The following PLXNA2 variants were observed in gnomAD, a reference collection of about 807,000 sequenced individuals.
PLXNA2 encodes plexin-A2.
A neutral mutation model predicts 193.5 loss-of-function variants in PLXNA2; 91 were observed. That is an observed-to-expected ratio of 0.47 (90% CI 0.40 to 0.56). The LOEUF is 0.56. Among genes scored for constraint, PLXNA2 ranks in the 20% least tolerant of loss-of-function variants. PLXNA2 has a pLI of 0.00. For missense variants in PLXNA2, 1,995 were observed against 2,503.2 expected (o/e 0.80, Z 4.33); for synonymous variants, 997 against 1,027.3 (o/e 0.97, Z 0.56).
intron 12 of PLXNA2, among the ~76,000 whole-genome samples, chr1:208,062,166 A>T (rs1665641837): frequency 6.6e-6 from 1 of 152,096 alleles, no homozygotes; most frequent in African/African-American, 2.4e-5. Context: ...GTTTTTGGAC[A>T]CTTCTGGACA....
intron 12 of PLXNA2, among the ~76,000 whole-genome samples, chr1:208,063,670 C>T (rs1665688467): frequency 6.6e-6 from 1 of 152,024 alleles, no homozygotes; most frequent in African/African-American, 2.4e-5. Flanking sequence ...TGCCAGCACC[C>T]AGGGTAGGTG....
rs980760283 is a variant in PLXNA2, at chr1:208,065,651, C to T, written c.2587-4814G>A. ...GAAGGGCAGCACATGGATGAGGGAG[C>T]GCATCACAGACACTGGGGTGACCCG... On this transcript the variant is annotated intron_variant, in intron 12 of 31. Coordinates refer to ENST00000367033, the MANE Select transcript of PLXNA2 (RefSeq NM_025179.4). Among the ~76,000 whole-genome samples the T allele has an allele frequency of 2.0e-5, 3 of 152,134 alleles. 1 individual carries two copies. The highest frequency in any genetic ancestry group is 4.1e-4 in the South Asian group (2 of 4,820).
At chr1:208,077,694 G>T (rs78915008) in intron 12 of PLXNA2, among the ~76,000 whole-genome samples, 157 of 152,356 alleles carry the variant, frequency 1.0e-3, no homozygotes, top group Non-Finnish European at 1.8e-3. Context: ...GAAGCTAGCT[G>T]TCTGAGGGCA....
At chr1:208,097,576 C>CT (rs778897543) in intron 6 of PLXNA2, among the ~76,000 whole-genome samples, 1 of 152,160 alleles carries the variant, frequency 6.6e-6, no homozygotes, top group African/African-American at 2.4e-5. Flanking sequence ...CGGTTTTCAG[C>CT]TTTTTTGAAT....
intron 1 of PLXNA2, among the ~76,000 whole-genome samples, chr1:208,240,725 T>C (rs1388518013): frequency 3.0e-5 from 4 of 133,700 alleles, no homozygotes. Flanking sequence ...GTTAACAGAC[T>C]GTAACACAAT....
At chr1:208,206,303 G>A (rs996303936) in intron 3 of PLXNA2, among the ~76,000 whole-genome samples, 2 of 152,304 alleles carry the variant, frequency 1.3e-5, no homozygotes, top group South Asian at 2.1e-4. Flanking sequence ...TGACATAGAA[G>A]CTGTTCTTCT....
chr1:208,242,047 T>C (rs1572069730), intron 1 of PLXNA2, among the ~76,000 whole-genome samples: 2 of 152,332 alleles, frequency 1.3e-5, no homozygotes, highest in East Asian at 3.9e-4. Flanking sequence ...TTCTCTTTTC[T>C]TGCCTGGAGG....
chr1:208,168,668 C>G (rs1262409727), intron 3 of PLXNA2, among the ~76,000 whole-genome samples: 1 of 142,702 alleles, frequency 7.0e-6, no homozygotes, highest in Non-Finnish European at 1.5e-5. Flanking sequence ...CCCTCAGAGA[C>G]TAGGGAGTCT....
intron 2 of PLXNA2, among the ~76,000 whole-genome samples, chr1:208,211,680 G>A (rs1317322230): frequency 7.2e-6 from 1 of 138,600 alleles, no homozygotes; most frequent in Non-Finnish European, 1.6e-5. Flanking sequence ...GCGGCAGAAC[G>A]AGACTCCGTC....
intron 21 of PLXNA2, among the ~76,000 whole-genome samples, chr1:208,042,771 T>G (rs1401075796): frequency 1.3e-5 from 2 of 152,220 alleles, no homozygotes; most frequent in Non-Finnish European, 2.9e-5. Context: ...GTGTCTTTCT[T>G]TAAGCCATCT....
chr1:208,150,466 G>T (rs976852487), intron 3 of PLXNA2, among the ~76,000 whole-genome samples: 4 of 152,176 alleles, frequency 2.6e-5, no homozygotes, highest in African/African-American at 9.7e-5. Context: ...GGACTCACTT[G>T]TTCTCTGGAC....
chr1:208,227,970 TA>T (rs1654744187), intron 1 of PLXNA2, among the ~76,000 whole-genome samples: 1 of 152,152 alleles, frequency 6.6e-6, no homozygotes, highest in African/African-American at 2.4e-5. Flanking sequence ...TGCTCTAATT[TA>T]TACTACTGGG....
chr1:208,086,979 C>CTCTGTA (rs1491364667), intron 9 of PLXNA2, among the ~76,000 whole-genome samples: 1 of 65,444 alleles, frequency 1.5e-5, no homozygotes, highest in East Asian at 4.7e-4. Context: ...CTCTCTCTCT[C>CTCTGTA]TGTGTGTGTG....
chr1:208,103,148 T>A lies in PLXNA2; in HGVS notation c.1606A>T (p.Met536Leu). Reference protein sequence around the residue: ...PHCGWCALHNMCSRRDKCQQA... With the variant: ...PHCGWCALHNLCSRRDKCQQA... ...TTTTCCAGTATACCCCAAACTTACA[T>A]GTTGTGCAGGGCACACCAGCCACAG... Residue 536 changes from methionine to leucine, a missense_variant and splice_region_variant, in exon 5 of 32, where the codon ATG becomes TTG. Physicochemically the swap from Met to Leu is conservative, Grantham distance 15. This residue lies in a region of PLXNA2 where 702 missense variants were observed against 812.9 expected (regional missense o/e 0.86). Transcript: ENST00000367033. 1 of 1,612,406 alleles carries A rather than the reference T, an allele frequency of 6.2e-7. No homozygotes were observed. Among genetic ancestry groups the A allele is most frequent in the Non-Finnish European group, 8.5e-7 (1 of 1,178,542 alleles).
chr1:208,191,935 T>A (rs1357421671), intron 3 of PLXNA2, among the ~76,000 whole-genome samples: 1 of 152,096 alleles, frequency 6.6e-6, no homozygotes, highest in African/African-American at 2.4e-5. Context: ...TGAAGACGTG[T>A]CAGGGTCAGG....
intron 7 of PLXNA2, among the ~76,000 whole-genome samples, 153 bp downstream of exon 7, chr1:208,096,577 G>A (rs767087625): frequency 6.6e-6 from 1 of 152,072 alleles, no homozygotes; most frequent in Non-Finnish European, 1.5e-5. Context: ...ATTCACTTTG[G>A]GGCATGACAG....
intron 4 of PLXNA2, among the ~76,000 whole-genome samples, chr1:208,139,430 G>A (rs545978884): frequency 4.5e-4 from 68 of 152,286 alleles, no homozygotes; most frequent in African/African-American, 1.3e-3. Context: ...AGGCATGAGA[G>A]CTAGAATGGG....
In PLXNA2 at chr1:208,054,295, C is replaced by T. The variant is rs972226455; in HGVS notation, c.2856+126G>A. ...CCAGAAGTTGCCTTATCTGGAGGGT[C>T]CTTTTCTCCTCCTTGGTCTGCAAGA... On this transcript the variant is annotated intron_variant, in intron 14 of 31. Transcript: ENST00000367033. 9.3e-6 allele frequency: 6 copies of T among 644,546 alleles called. No homozygotes were observed. The East Asian group carries it at 1.6e-4, about 17-fold the overall frequency. 39.9% of individuals were successfully genotyped at this position (644,546 alleles called of 1,614,324 possible). A position where few individuals can be genotyped will look rare whatever the true frequency, so the allele number is the denominator to read the frequency against.
rs1213724508 is a variant in PLXNA2, at chr1:208,188,709, CAA to C, written c.1371+21569_1371+21570del. ...GGGCATCAAGAATGAAACTCTGTCT[CAA>C]AAAAAAAAAAAAAAAGAAAAAAAAT... On this transcript the variant is annotated intron_variant, in intron 3 of 31. Transcript: ENST00000367033. Among the ~76,000 whole-genome samples, 484 of 71,438 alleles carry C rather than the reference CAA, an allele frequency of 6.8e-3. 1 individual carries two copies. Among genetic ancestry groups the C allele is most frequent in the African/African-American group, 0.024 (454 of 18,990 alleles). The allele number at this position is 71,438 out of a possible 152,430, so 46.9% of individuals were successfully genotyped here. A position where few individuals can be genotyped will look rare whatever the true frequency, so the allele number is the denominator to read the frequency against.
Sources: gnomAD v4.1 joint callset for allele counts (sites outside exome capture counted in the v4.1 genomes callset) on GRCh38, gnomAD v4.1.1 for gene constraint, gnomAD v4.1.1 regional missense constraint, MANE v1.5 for transcripts, NCBI Gene and HGNC (gene_info 2026-07-23, HGNC 2026-07-21) for gene names.